Variants in CNGB3 observed in about 807,000 individuals in gnomAD.
CNGB3 encodes the protein cyclic nucleotide-gated channel beta-3.
A neutral mutation model predicts 92.8 loss-of-function variants in CNGB3; 86 were observed. The ratio of observed to expected loss-of-function variants is 0.93; its 90% CI spans 0.78 to 1.11. The LOEUF (loss-of-function observed/expected upper bound fraction) is 1.11. Among genes scored for constraint, CNGB3 ranks in the 50% least tolerant of loss-of-function variants. The pLI is 0.00. For synonymous variants in CNGB3, 333 were observed against 332.7 expected (o/e 1.00, Z -0.01); for missense variants, 1,026 against 956.8 (o/e 1.07, Z -0.95).
intron 15 of CNGB3, among the ~76,000 whole-genome samples, chr8:86,595,874 C>A (rs74916040): frequency 6.6e-6 from 1 of 152,100 alleles, no homozygotes; most frequent in Non-Finnish European, 1.5e-5. Context: ...CAAAATATTT[C>A]GCCATTTCAC....
At chr8:86,688,352 C>A (rs1251204955) in intron 3 of CNGB3, among the ~76,000 whole-genome samples, 1 of 152,018 alleles carries the variant, frequency 6.6e-6, no homozygotes, top group Non-Finnish European at 1.5e-5. Context: ...ATCATCATTT[C>A]TTTCCCATCA....
chr8:86,681,164 C>T (rs1218455545), intron 3 of CNGB3, among the ~76,000 whole-genome samples: 1 of 151,902 alleles, frequency 6.6e-6, no homozygotes, highest in Non-Finnish European at 1.5e-5. Context: ...AATAACAAAG[C>T]TGATGATATT....
chr8:86,576,829 T>C (rs1381519225), intron 17 of CNGB3, among the ~76,000 whole-genome samples: 1 of 152,250 alleles, frequency 6.6e-6, no homozygotes, highest in Non-Finnish European at 1.5e-5. Context: ...ATACATTTTT[T>C]ATGCAAATTA....
rs573477143 is a variant in CNGB3, at chr8:86,670,466, G to A, written c.493+478C>T. ...GGGGAGGTAACAGTATCAGGCTCCAGCACCAACCAGTTTCCTCCTCTTCCA... is the reference window on the plus strand; with the variant it reads ...GGGGAGGTAACAGTATCAGGCTCCAACACCAACCAGTTTCCTCCTCTTCCA... On this transcript the variant is annotated intron_variant, in intron 4 of 17. Coordinates refer to ENST00000320005, the MANE Select transcript of CNGB3 (RefSeq NM_019098.5). Among the ~76,000 whole-genome samples, 314 of 152,242 alleles carry A rather than the reference G, an allele frequency of 2.1e-3. 1 individual carries two copies. The highest frequency in any genetic ancestry group is 3.8e-3 in the Non-Finnish European group (256 of 68,012).
chr8:86,684,173 G>T (rs1824137645), intron 3 of CNGB3, among the ~76,000 whole-genome samples: 1 of 152,128 alleles, frequency 6.6e-6, no homozygotes, highest in Admixed American at 6.6e-5. Context: ...ATCTAATTAT[G>T]AAGTGGGTAA....
At chr8:86,741,912 A>C (rs1825349799) in intron 1 of CNGB3, among the ~76,000 whole-genome samples, 1 of 152,174 alleles carries the variant, frequency 6.6e-6, no homozygotes, top group Admixed American at 6.5e-5. Flanking sequence ...GGGTTGACTC[A>C]ACTAATATCC....
intron 15 of CNGB3, among the ~76,000 whole-genome samples, chr8:86,583,670 AGC>A (rs1028977098): frequency 1.1e-4 from 16 of 152,076 alleles, no homozygotes; most frequent in Non-Finnish European, 2.1e-4. Flanking sequence ...ATGTAATCTC[AGC>A]ACTTTGGGAG....
rs891102597 is a variant in CNGB3 at position 86,586,399 on chromosome 8, A to G, written c.1782-7147T>C. Reference sequence around the variant, plus strand: ...TGTGCACATTGTGCAGGTTAGTTACATATGTATACATGTGCCATGCTGGTG... The same window carrying G: ...TGTGCACATTGTGCAGGTTAGTTACGTATGTATACATGTGCCATGCTGGTG... On this transcript the variant is annotated intron_variant, in intron 15 of 17. Transcript: ENST00000320005. Among the ~76,000 whole-genome samples the G allele has an allele frequency of 6.6e-5, 10 of 151,780 alleles. No homozygotes were observed. The South Asian group carries it at 1.3e-3, about 19-fold the overall frequency.
chr8:86,625,076 T>C (rs901472141), intron 13 of CNGB3, among the ~76,000 whole-genome samples: 2 of 152,182 alleles, frequency 1.3e-5, no homozygotes, highest in Non-Finnish European at 2.9e-5. Flanking sequence ...GCTGCTGTGC[T>C]TCCTGTACAG....
chr8:86,737,146 C>T (rs1825262262), intron 2 of CNGB3, among the ~76,000 whole-genome samples: 1 of 152,088 alleles, frequency 6.6e-6, no homozygotes, highest in Non-Finnish European at 1.5e-5. Context: ...CAAGTATCCT[C>T]TACATTCTAA....
chr8:86,662,033 G>A, intron 6 of CNGB3: 1 of 337,166 alleles, frequency 3.0e-6, no homozygotes, highest in East Asian at 5.2e-5. Flanking sequence ...GACTGGCCCA[G>A]GTGCAGGGCT....
At chr8:86,662,914 C>T (rs964290206) in intron 6 of CNGB3, among the ~76,000 whole-genome samples, 8 of 152,074 alleles carry the variant, frequency 5.3e-5, no homozygotes, top group African/African-American at 1.2e-4. Flanking sequence ...TGCAACAGTA[C>T]GACTATTCCC....
At chr8:86,679,677 C>G (rs924998192) in intron 3 of CNGB3, among the ~76,000 whole-genome samples, 2 of 152,118 alleles carry the variant, frequency 1.3e-5, no homozygotes, top group African/African-American at 4.8e-5. Context: ...AGTTGCCCAC[C>G]ACCATGCCTG....
intron 15 of CNGB3, among the ~76,000 whole-genome samples, chr8:86,598,985 A>G (rs1450741333): frequency 6.6e-6 from 1 of 152,180 alleles, no homozygotes; most frequent in Non-Finnish European, 1.5e-5. Flanking sequence ...ATTATCCTTT[A>G]CATACCCCTC....
chr8:86,654,485 C>A (rs143017987), intron 6 of CNGB3, among the ~76,000 whole-genome samples: 1 of 152,096 alleles, frequency 6.6e-6, no homozygotes, highest in Non-Finnish European at 1.5e-5. Context: ...TGAAATGACA[C>A]GTATACTGCT....
chr8:86,736,682 A>G (rs1248823081), intron 2 of CNGB3, among the ~76,000 whole-genome samples: 1 of 152,136 alleles, frequency 6.6e-6, no homozygotes, highest in Non-Finnish European at 1.5e-5. Context: ...AGATTGTTGT[A>G]TAGTCTACAA....
At chr8:86,614,211 T>C (rs1822572810) in intron 13 of CNGB3, among the ~76,000 whole-genome samples, 1 of 152,096 alleles carries the variant, frequency 6.6e-6, no homozygotes, top group Non-Finnish European at 1.5e-5. Context: ...ACCTGCTTTA[T>C]ACCACTGCCT....
At chr8:86,601,352 A>G (rs940197118) in intron 15 of CNGB3, among the ~76,000 whole-genome samples, 1 of 152,206 alleles carries the variant, frequency 6.6e-6, no homozygotes, top group African/African-American at 2.4e-5. Context: ...ATCTCTCAGC[A>G]GACCCTGGGT....
chr8:86,660,654 C>T, intron 6 of CNGB3: 1 of 533,284 alleles, frequency 1.9e-6, no homozygotes, highest in South Asian at 1.4e-5. Flanking sequence ...TGCATAATGA[C>T]CAATTCTTTT....
Sources: gnomAD v4.1 joint callset for allele counts (sites outside exome capture counted in the v4.1 genomes callset) on GRCh38, gnomAD v4.1.1 for gene constraint, MANE v1.5 for transcripts, NCBI Gene and HGNC (gene_info 2026-07-23, HGNC 2026-07-21) for gene names.